Variants in GABRB1 observed in about 807,000 individuals in gnomAD.
GABRB1 encodes gamma-aminobutyric acid type A receptor subunit beta1, also known as gamma-aminobutyric acid receptor subunit beta-1.
In GABRB1, 17 loss-of-function variants were observed where a neutral mutation model predicts 51.6. The observed-to-expected ratio is 0.33, with a 90% confidence interval of 0.23 to 0.49. The LOEUF (loss-of-function observed/expected upper bound fraction) is 0.49, where lower values mean the gene tolerates loss of function less well. Ranked by LOEUF, GABRB1 falls within the 20% of genes least tolerant of loss-of-function variation. GABRB1 has a pLI of 0.99. For synonymous variants in GABRB1, 247 were observed against 218.9 expected, an observed-to-expected ratio of 1.13 and a Z score of -1.14; for missense variants, 410 against 600.6, an observed-to-expected ratio of 0.68 and a Z score of 3.32.
chr4:47,103,683 G>A (rs1451463575), intron 3 of GABRB1, among the ~76,000 whole-genome samples: 2 of 151,870 alleles, frequency 1.3e-5, no homozygotes, highest in Non-Finnish European at 2.9e-5. Flanking sequence ...ATTATACGAA[G>A]TTAGAACAAT....
At chr4:47,330,219 G>C (rs909520220) in intron 5 of GABRB1, among the ~76,000 whole-genome samples, 2 of 152,096 alleles carry the variant, frequency 1.3e-5, no homozygotes, top group Non-Finnish European at 2.9e-5. Flanking sequence ...ACGTTGTGGG[G>C]GGCAAGCTGC....
rs947351917 is a variant in GABRB1, at chr4:47,202,815, C to A, written c.461+41346C>A. ...AGAAGGCCTCAGTACTCTATCAATG[C>A]CACTTCTTTTGAGTTGACCACCCAA... On this transcript the variant is annotated intron_variant, in intron 4 of 8. Transcript: ENST00000295454. Among the ~76,000 whole-genome samples, 16 of 152,210 alleles carry A rather than the reference C, an allele frequency of 1.1e-4. 1 individual carries two copies. The highest frequency in any genetic ancestry group is 7.2e-4 in the Admixed American group (11 of 15,270).
At chr4:47,330,551 A>G (rs1394335198) in intron 5 of GABRB1, among the ~76,000 whole-genome samples, 1 of 152,212 alleles carries the variant, frequency 6.6e-6, no homozygotes, top group Non-Finnish European at 1.5e-5. Context: ...TCATTCATGA[A>G]ATAGATCCCT....
At chr4:47,040,880 G>A (rs1252870555) in intron 3 of GABRB1, among the ~76,000 whole-genome samples, 1 of 152,148 alleles carries the variant, frequency 6.6e-6, no homozygotes, top group Non-Finnish European at 1.5e-5. Flanking sequence ...GACTCTGACA[G>A]TATTTAGAGC....
At chr4:47,395,957 A>G (rs954339613) in intron 5 of GABRB1, among the ~76,000 whole-genome samples, 1 of 152,100 alleles carries the variant, frequency 6.6e-6, no homozygotes, top group Non-Finnish European at 1.5e-5. Flanking sequence ...AATATTATAT[A>G]TAAGAAATTC....
chr4:47,191,323 T>C (rs746283373), intron 4 of GABRB1, among the ~76,000 whole-genome samples: 1 of 152,170 alleles, frequency 6.6e-6, no homozygotes, highest in Non-Finnish European at 1.5e-5. Flanking sequence ...GTTTATTTCT[T>C]ATTTTTCAGT....
Position 47,400,235 on chromosome 4 carries a change from C to A in GABRB1, c.545-3083C>A, listed in dbSNP as rs796343090. Among the ~76,000 whole-genome samples, 8 of 151,994 alleles carry A rather than the reference C, an allele frequency of 5.3e-5. No individual in the cohort carries two copies. The East Asian group carries it at 1.5e-3, about 29-fold the overall frequency. ...CATTGAGTTTTAGAATAAAAAGTTG[C>A]CTGTGCTGTAATCAGATATCTGTAA... On this transcript the variant is annotated intron_variant, in intron 5 of 8. Transcript: ENST00000295454.
At chr4:47,085,147 G>A (rs1728007035) in intron 3 of GABRB1, among the ~76,000 whole-genome samples, 1 of 152,122 alleles carries the variant, frequency 6.6e-6, no homozygotes, top group African/African-American at 2.4e-5. Context: ...GAAGTTGATG[G>A]ACTTGACATT....
At chr4:47,034,897 C>A (rs1357890814) in intron 3 of GABRB1, among the ~76,000 whole-genome samples, 1 of 152,024 alleles carries the variant, frequency 6.6e-6, no homozygotes, top group Non-Finnish European at 1.5e-5. Flanking sequence ...TTGCTTATTG[C>A]TTTTTGTATT....
chr4:47,387,088 CA>C (rs1355145739), intron 5 of GABRB1, among the ~76,000 whole-genome samples: 1 of 152,144 alleles, frequency 6.6e-6, no homozygotes, highest in Non-Finnish European at 1.5e-5. Context: ...ACATTTGTCT[CA>C]ATCAAGGGAA....
chr4:47,125,211 G>C (rs574238878), intron 3 of GABRB1, among the ~76,000 whole-genome samples: 1 of 152,078 alleles, frequency 6.6e-6, no homozygotes, highest in Non-Finnish European at 1.5e-5. Flanking sequence ...TTCCAAACAA[G>C]AGTACTACTC....
At chr4:47,302,501 A>G (rs1026610072) in intron 4 of GABRB1, among the ~76,000 whole-genome samples, 1 of 152,150 alleles carries the variant, frequency 6.6e-6, no homozygotes, top group East Asian at 1.9e-4. Flanking sequence ...CTGCATTTAA[A>G]TATTTTAAAA....
chr4:47,163,941 G>A (rs934251713), intron 4 of GABRB1, among the ~76,000 whole-genome samples: 19 of 152,140 alleles, frequency 1.2e-4, no homozygotes, highest in African/African-American at 2.6e-4. Context: ...TAATGGACTC[G>A]CAGTTCTGCA....
At chr4:47,398,562 A>G (rs1291700351) in intron 5 of GABRB1, among the ~76,000 whole-genome samples, 1 of 147,612 alleles carries the variant, frequency 6.8e-6, no homozygotes, top group Non-Finnish European at 1.5e-5. Flanking sequence ...ATATATAGAG[A>G]GAGAGAGAGA....
At chr4:47,266,388 A>G (rs1253968831) in intron 4 of GABRB1, among the ~76,000 whole-genome samples, 1 of 151,956 alleles carries the variant, frequency 6.6e-6, no homozygotes. Flanking sequence ...TTTGCTTAGG[A>G]TTGTTTTGGC....
chr4:47,232,188 T>C (rs1721165872), intron 4 of GABRB1, among the ~76,000 whole-genome samples: 1 of 152,190 alleles, frequency 6.6e-6, no homozygotes, highest in African/African-American at 2.4e-5. Context: ...GAGCCGCTTT[T>C]CCCTATCCTT....
chr4:47,268,713 G>T (rs776589127), intron 4 of GABRB1, among the ~76,000 whole-genome samples: 14 of 152,052 alleles, frequency 9.2e-5, no homozygotes, highest in Non-Finnish European at 2.1e-4. Context: ...AAAAGCAAGA[G>T]AATAAATACA....
chr4:47,067,322 C>G (rs1727130850), intron 3 of GABRB1, among the ~76,000 whole-genome samples: 2 of 152,274 alleles, frequency 1.3e-5, no homozygotes, highest in African/African-American at 4.8e-5. Flanking sequence ...TTAAAGTCAC[C>G]AGCTGCATTT....
At chr4:47,323,233 C>T (rs551339728) in intron 5 of GABRB1, among the ~76,000 whole-genome samples, 2 of 152,046 alleles carry the variant, frequency 1.3e-5, no homozygotes, top group Non-Finnish European at 2.9e-5. Flanking sequence ...TTGATGTTAC[C>T]CTTAAAAAGA....
Sources: allele counts gnomAD v4.1 joint callset (sites outside exome capture counted in the v4.1 genomes callset), GRCh38; gene constraint gnomAD v4.1.1; transcripts MANE v1.5; gene names NCBI Gene and HGNC (gene_info 2026-07-23, HGNC 2026-07-21).